FBLN7: variants seen among roughly 807,000 people sequenced by gnomAD.
FBLN7 encodes fibulin-7.
Under a neutral mutation model 44.0 loss-of-function variants are expected in FBLN7, and 31 were observed. The observed-to-expected ratio is 0.70, with a 90% CI of 0.53 to 0.95. The LOEUF (loss-of-function observed/expected upper bound fraction) is 0.95. Ranked by LOEUF, FBLN7 falls within the 40% of genes least tolerant of loss-of-function variation. The pLI, the probability that FBLN7 is intolerant of heterozygous loss-of-function variation, is 0.00. For missense variants in FBLN7, 573 were observed against 618.5 expected (o/e 0.93, Z 0.78); for synonymous variants, 262 against 253.4 (o/e 1.03, Z -0.32).
At position 112,175,768 on chromosome 2, in the gene FBLN7, G is replaced by C; in HGVS notation, c.461G>C (p.Gly154Ala). 1.9e-6 allele frequency: 3 copies of C among 1,614,174 alleles called. No homozygotes were observed. The highest frequency in any genetic ancestry group is 2.5e-6 in the Non-Finnish European group (3 of 1,180,030). Residue 154 changes from glycine (G) to alanine (A), a missense_variant, in exon 4 of 8, where the codon GGA becomes GCA. Transcript: ENST00000331203. ...CAAAATGGTGGTACATGTGTAGAAG[G>C]AGTCAACCAGTACAGATGCATTTGT... ...PCQNGGTCVE[G>A]VNQYRCICPP...
chr2:112,181,783 G>T lies in FBLN7; in HGVS notation c.577G>T (p.Ala193Ser), dbSNP rs1683009654. 5 of 1,450,444 alleles carry T rather than the reference G, an allele frequency of 3.4e-6. No homozygotes were observed. The highest frequency in any genetic ancestry group is 4.5e-6 in the Non-Finnish European group (5 of 1,107,460). The allele number at this position is 1,450,444 out of a possible 1,614,324, so 89.8% of individuals were successfully genotyped here. A position where few individuals can be genotyped will look rare whatever the true frequency, so the allele number is the denominator to read the frequency against. ...SVAGDSAFSR[A>S]PRCAQVERAQ... is the part of the protein sequence containing the mutation. ...GGCCGGCGACTCCGCCTTCAGCCGC[G>T]CGCCGCGCTGTGCGCAGGTGGAGCG... Residue 193 changes from alanine (A) to serine (S), a missense_variant, in exon 5 of 8, where the codon GCG (alanine) becomes TCG (serine). Transcript: ENST00000331203.
chr2:112,180,932 A>G (rs1682958519), intron 4 of FBLN7, among the ~76,000 whole-genome samples: 1 of 145,584 alleles, frequency 6.9e-6, no homozygotes, highest in African/African-American at 2.8e-5. Context: ...CAAAAAAAAA[A>G]AAAAAAAAAA....
At chr2:112,184,496 C>T (rs1573835519) in intron 6 of FBLN7, among the ~76,000 whole-genome samples, 1 of 152,030 alleles carries the variant, frequency 6.6e-6, no homozygotes, top group South Asian at 2.1e-4. Flanking sequence ...GAGGGACGGC[C>T]TCCAGCTGGG....
chr2:112,171,663 A>G (rs541398428), intron 3 of FBLN7, among the ~76,000 whole-genome samples: 1 of 152,330 alleles, frequency 6.6e-6, no homozygotes, highest in Admixed American at 6.5e-5. Flanking sequence ...GCACATACAC[A>G]TACATCCAAG....
intron 3 of FBLN7, among the ~76,000 whole-genome samples, chr2:112,174,356 G>A (rs933731817): frequency 1.3e-5 from 2 of 152,174 alleles, no homozygotes; most frequent in African/African-American, 4.8e-5. Context: ...AGCAGCATTC[G>A]GGTGGTCTGT....
chr2:112,156,143 C>T (rs750591832), intron 1 of FBLN7, among the ~76,000 whole-genome samples: 16 of 152,204 alleles, frequency 1.1e-4, no homozygotes, highest in Non-Finnish European at 1.9e-4. Flanking sequence ...GAACTTTGCA[C>T]GGGAGTGAGA....
chr2:112,153,611 T>TG (rs1681273716), intron 1 of FBLN7, among the ~76,000 whole-genome samples: 1 of 152,090 alleles, frequency 6.6e-6, no homozygotes, highest in Non-Finnish European at 1.5e-5. Context: ...CCAAACAGCA[T>TG]GGGGGCCTGG....
chr2:112,147,704 G>A (rs188965395), intron 1 of FBLN7, among the ~76,000 whole-genome samples: 19 of 152,262 alleles, frequency 1.2e-4, no homozygotes, highest in Non-Finnish European at 2.2e-4. Context: ...CTACATTTTC[G>A]AGATCACATG....
chr2:112,214,247 A>C, the FBLN7 span: 1 of 152,156 alleles, frequency 6.6e-6, no homozygotes, highest in Non-Finnish European at 1.5e-5. Context: ...CGCCCAGCTA[A>C]GAATTGTTTT....
chr2:112,193,201 G>A (rs998505697), downstream of FBLN7, among the ~76,000 whole-genome samples: 2 of 152,208 alleles, frequency 1.3e-5, no homozygotes, highest in African/African-American at 4.8e-5. Flanking sequence ...AGCTCTTTGG[G>A]TGGCCAAGGC....
At chr2:112,159,645 G>A (rs771928635) in intron 1 of FBLN7, 31 bp from the exon 2 acceptor site, 1 of 1,483,542 alleles carries the variant, frequency 6.7e-7, no homozygotes, top group African/African-American at 1.4e-5. Flanking sequence ...CAGTCTCAAT[G>A]GGTGGTGGCG....
chr2:112,163,764 A>T (rs1367424609), intron 2 of FBLN7, among the ~76,000 whole-genome samples: 1 of 150,822 alleles, frequency 6.6e-6, no homozygotes, highest in Non-Finnish European at 1.5e-5. Context: ...AACAAGTTGC[A>T]TGGCCTTTTT....
chr2:112,244,663 C>T, the FBLN7 span, among the ~76,000 whole-genome samples: 2 of 152,142 alleles, frequency 1.3e-5, no homozygotes, highest in African/African-American at 4.8e-5. Context: ...GTCTCTGTGT[C>T]ACATTTTGGT....
chr2:112,183,231 G>C (rs1013843041), intron 6 of FBLN7, among the ~76,000 whole-genome samples: 2 of 152,200 alleles, frequency 1.3e-5, no homozygotes, highest in African/African-American at 4.8e-5. Context: ...CCTTCAGCTA[G>C]GGCTGGGCCT....
At chr2:112,219,867 T>A in the FBLN7 span, among the ~76,000 whole-genome samples, 1 of 152,220 alleles carries the variant, frequency 6.6e-6, no homozygotes, top group African/African-American at 2.4e-5. Flanking sequence ...GTGGAGTGTT[T>A]AATGTCTCCC....
chr2:112,221,538 C>T, the FBLN7 span, among the ~76,000 whole-genome samples: 2 of 152,156 alleles, frequency 1.3e-5, no homozygotes, highest in East Asian at 3.9e-4. Context: ...TATAGCAATG[C>T]ATGAACGAAC....
At chr2:112,204,561 GAA>G in the FBLN7 span, among the ~76,000 whole-genome samples, 19 of 152,052 alleles carry the variant, frequency 1.2e-4, no homozygotes, top group Non-Finnish European at 2.4e-4. Flanking sequence ...ACTAGTAAGA[GAA>G]AAGACTTCAA....
At chr2:112,166,573 T>A (rs1231988685) in intron 3 of FBLN7, among the ~76,000 whole-genome samples, 1 of 152,042 alleles carries the variant, frequency 6.6e-6, no homozygotes, top group Non-Finnish European at 1.5e-5. Context: ...GAAGTAAAAG[T>A]CATGTAACAT....
At chr2:112,160,866 ACT>A (rs1681832065) in intron 2 of FBLN7, among the ~76,000 whole-genome samples, 1 of 140,510 alleles carries the variant, frequency 7.1e-6, no homozygotes. Flanking sequence ...ACACACACAC[ACT>A]CAGCCCGAGC....
Sources: allele counts gnomAD v4.1 joint callset (sites outside exome capture counted in the v4.1 genomes callset), GRCh38; gene constraint gnomAD v4.1.1; transcripts MANE v1.5; gene names NCBI Gene and HGNC (gene_info 2026-07-23, HGNC 2026-07-21).